The following VEPH1 variants were observed in gnomAD, a reference collection of about 807,000 sequenced individuals.
The protein encoded by VEPH1 is ventricular zone expressed PH domain containing 1.
In VEPH1, 80 loss-of-function variants were observed where a neutral mutation model predicts 85.2. That is an observed-to-expected ratio of 0.94 (90% CI 0.78 to 1.13). The LOEUF (loss-of-function observed/expected upper bound fraction) is 1.13, where lower values mean the gene tolerates loss of function less well. Ranked by LOEUF, VEPH1 falls within the 50% of genes most tolerant of loss-of-function variation. The pLI is 0.00. For synonymous variants in VEPH1, 297 were observed against 348.0 expected, an observed-to-expected ratio of 0.85 and a Z score of 1.63; for missense variants, 955 against 980.5, an observed-to-expected ratio of 0.97 and a Z score of 0.35.
At chr3:157,261,679 A>G (rs1431618059) in intron 13 of VEPH1, among the ~76,000 whole-genome samples, 9 of 152,178 alleles carry the variant, frequency 5.9e-5, no homozygotes, top group African/African-American at 1.9e-4. Context: ...GCAAGGTGCA[A>G]CGGTACAATT....
At chr3:157,437,883 G>A in intron 4 of VEPH1, 1 of 1,519,266 alleles carries the variant, frequency 6.6e-7, no homozygotes, top group South Asian at 1.2e-5. Context: ...ACGCGGTGCA[G>A]GGCTGGGCTG....
At position 157,438,031 on chromosome 3, in the gene VEPH1, GCGCGCGCACACACACACA is replaced by G. The variant is rs1369129984; in HGVS notation, c.530-9561_530-9544del. 4 of 820,202 alleles carry G rather than the reference GCGCGCGCACACACACACA, an allele frequency of 4.9e-6. No homozygotes were observed. The African/African-American group carries it at 8.5e-5, about 17-fold the overall frequency. 50.8% of individuals were successfully genotyped at this position (820,202 alleles called of 1,614,324 possible). Reference sequence around the variant, plus strand: ...AAGCTTTCATGGGAAGCGCGCGCGCGCGCGCGCACACACACACACACACACACACACACACACACACCC... The same window carrying G: ...AAGCTTTCATGGGAAGCGCGCGCGCGCACACACACACACACACACACACCC... On this transcript the variant is annotated intron_variant, in intron 4 of 13. Coordinates refer to ENST00000362010, the MANE Select transcript of VEPH1 (RefSeq NM_001167912.2).
chr3:157,282,149 A>G (rs1252112341), intron 12 of VEPH1, among the ~76,000 whole-genome samples: 2 of 152,204 alleles, frequency 1.3e-5, no homozygotes, highest in Non-Finnish European at 2.9e-5. Context: ...CTAATATAAT[A>G]TAATAAATAG....
intron 4 of VEPH1, among the ~76,000 whole-genome samples, chr3:157,433,376 G>A (rs1026792690): frequency 6.6e-6 from 1 of 151,944 alleles, no homozygotes; most frequent in African/African-American, 2.4e-5. Flanking sequence ...TGGTATTTAT[G>A]TTTTTTTCAG....
At chr3:157,335,977 C>T (rs922837059) in intron 9 of VEPH1, among the ~76,000 whole-genome samples, 1 of 152,136 alleles carries the variant, frequency 6.6e-6, no homozygotes, top group East Asian at 1.9e-4. Context: ...CTTCCTGGAC[C>T]GAGACCCTGA....
At chr3:157,360,693 A>G (rs921531485) in intron 9 of VEPH1, among the ~76,000 whole-genome samples, 2 of 152,174 alleles carry the variant, frequency 1.3e-5, no homozygotes, top group Non-Finnish European at 2.9e-5. Context: ...GGGCAAAACA[A>G]TCTAACACAA....
At chr3:157,488,496 T>C (rs1738872571) in intron 2 of VEPH1, among the ~76,000 whole-genome samples, 1 of 132,544 alleles carries the variant, frequency 7.5e-6, no homozygotes, top group East Asian at 2.1e-4. Flanking sequence ...TCTGACTTTC[T>C]TTCTTTCTTT....
chr3:157,297,756 A>G (rs1489877707), intron 11 of VEPH1, among the ~76,000 whole-genome samples: 1 of 152,168 alleles, frequency 6.6e-6, no homozygotes, highest in Non-Finnish European at 1.5e-5. Context: ...AATGACAAGC[A>G]TAAAAGGAGG....
chr3:157,303,666 A>G (rs1439401801), intron 11 of VEPH1, among the ~76,000 whole-genome samples: 2 of 152,134 alleles, frequency 1.3e-5, no homozygotes, highest in African/African-American at 4.8e-5. Context: ...TCTGCCCTCC[A>G]GGTCCTTCCA....
intron 6 of VEPH1, chr3:157,409,637 G>A: frequency 2.0e-6 from 2 of 985,372 alleles, no homozygotes; most frequent in Non-Finnish European, 2.4e-6. Flanking sequence ...TAATATAGAT[G>A]GAAAAATTGT....
chr3:157,413,033 G>T (rs886359033), intron 6 of VEPH1, among the ~76,000 whole-genome samples: 7 of 152,070 alleles, frequency 4.6e-5, no homozygotes, highest in African/African-American at 1.4e-4. Context: ...TGAACTCAAT[G>T]AACTATGAAA....
chr3:157,327,930 T>G (rs939300768), intron 9 of VEPH1, among the ~76,000 whole-genome samples: 2 of 152,178 alleles, frequency 1.3e-5, no homozygotes, highest in African/African-American at 4.8e-5. Context: ...TAAAGCCAAC[T>G]TCTCTGATCC....
chr3:157,487,739 A>C (rs899982220), intron 2 of VEPH1, among the ~76,000 whole-genome samples: 5 of 152,156 alleles, frequency 3.3e-5, no homozygotes, highest in African/African-American at 9.6e-5. Flanking sequence ...CCAGGAATAC[A>C]ATAATGGTTC....
intron 7 of VEPH1, among the ~76,000 whole-genome samples, chr3:157,367,083 G>T (rs958307264): frequency 2.6e-5 from 4 of 152,100 alleles, no homozygotes; most frequent in Admixed American, 1.3e-4. Flanking sequence ...ATTGTTTATT[G>T]TTTAATAAGC....
At chr3:157,313,245 G>T (rs1720339360) in intron 11 of VEPH1, among the ~76,000 whole-genome samples, 1 of 151,832 alleles carries the variant, frequency 6.6e-6, no homozygotes, top group African/African-American at 2.4e-5. Flanking sequence ...TGATGTTCAG[G>T]CTAATCTGGA....
intron 9 of VEPH1, among the ~76,000 whole-genome samples, chr3:157,338,182 G>A (rs1444616542): frequency 6.6e-6 from 1 of 152,216 alleles, no homozygotes; most frequent in Non-Finnish European, 1.5e-5. Context: ...CAATTTAGGA[G>A]TAAATGTACT....
chr3:157,431,137 T>G (rs1733115537), intron 4 of VEPH1, among the ~76,000 whole-genome samples: 1 of 152,270 alleles, frequency 6.6e-6, no homozygotes, highest in South Asian at 2.1e-4. Flanking sequence ...TCTCATGAGA[T>G]CTGATGGTTT....
intron 12 of VEPH1, 128 bp from the exon 13 acceptor site, chr3:157,265,790 T>G: frequency 1.0e-6 from 1 of 963,490 alleles, no homozygotes. Flanking sequence ...TAATAAATGA[T>G]GAATTTGGTT....
intron 7 of VEPH1, among the ~76,000 whole-genome samples, chr3:157,378,726 CTG>C: frequency 6.6e-6 from 1 of 152,148 alleles, no homozygotes; most frequent in Non-Finnish European, 1.5e-5. Context: ...ATTACATTCT[CTG>C]TGTGTAGGGG....
Sources: gnomAD v4.1 joint callset for allele counts (sites outside exome capture counted in the v4.1 genomes callset) on GRCh38, gnomAD v4.1.1 for gene constraint, MANE v1.5 for transcripts, NCBI Gene and HGNC (gene_info 2026-07-23, HGNC 2026-07-21) for gene names.